Variants in MED13L observed in about 807,000 individuals in gnomAD.
The protein encoded by MED13L is mediator complex subunit 13L, also known as mediator of RNA polymerase II transcription subunit 13-like.
In MED13L, 7 loss-of-function variants were observed where a neutral mutation model predicts 220.9. The ratio of observed to expected loss-of-function variants is 0.03; its 90% CI spans 0.02 to 0.06. MED13L has a LOEUF of 0.06. Among genes scored for constraint, MED13L ranks in the 10% least tolerant of loss-of-function variants. The pLI, the probability that MED13L is intolerant of heterozygous loss-of-function variation, is 1.00. For missense variants in MED13L, 1,965 were observed against 2,760.5 expected, an observed-to-expected ratio of 0.71 and a Z score of 6.46; for synonymous variants, 1,011 against 1,015.2, an observed-to-expected ratio of 1.00 and a Z score of 0.08.
At chr12:115,994,300 A>T (rs988890622) in intron 16 of MED13L, among the ~76,000 whole-genome samples, 5 of 152,152 alleles carry the variant, frequency 3.3e-5, no homozygotes, top group African/African-American at 1.2e-4. Context: ...TTTCATAAAA[A>T]TTAGCTGGGT....
chr12:116,276,548 C>T, intron 1 of MED13L: 1 of 1,251,856 alleles, frequency 8.0e-7, no homozygotes, highest in Non-Finnish European at 1.0e-6. Context: ...TTTCCTGACA[C>T]AATCGCATTC....
At chr12:116,220,970 GGTTAA>G (rs906941563) in intron 2 of MED13L, among the ~76,000 whole-genome samples, 9 of 152,204 alleles carry the variant, frequency 5.9e-5, no homozygotes, top group African/African-American at 1.2e-4. Flanking sequence ...TGTTCAACTA[GGTTAA>G]GTTAACAATC....
intron 4 of MED13L, among the ~76,000 whole-genome samples, chr12:116,086,308 A>C (rs1384413054): frequency 2.2e-5 from 3 of 134,840 alleles, no homozygotes; most frequent in Non-Finnish European, 4.7e-5. Context: ...TTGAGACAAG[A>C]GTCTCATTCT....
chr12:116,118,101 A>C (rs1438677970), intron 2 of MED13L, among the ~76,000 whole-genome samples: 1 of 152,102 alleles, frequency 6.6e-6, no homozygotes, highest in Non-Finnish European at 1.5e-5. Context: ...CAGCCACTGC[A>C]CGCAGTCAAA....
chr12:116,235,557 T>C (rs1291372257), intron 2 of MED13L, among the ~76,000 whole-genome samples: 2 of 152,164 alleles, frequency 1.3e-5, no homozygotes, highest in Non-Finnish European at 2.9e-5. Flanking sequence ...TTAAATGTAG[T>C]GTTTCTGTAA....
chr12:116,189,270 C>T (rs1470186360), intron 2 of MED13L, among the ~76,000 whole-genome samples: 7 of 152,072 alleles, frequency 4.6e-5, no homozygotes, highest in Non-Finnish European at 7.4e-5. Flanking sequence ...ACTAATGATG[C>T]TGAACATCTT....
intron 2 of MED13L, among the ~76,000 whole-genome samples, chr12:116,185,450 G>T (rs1322184205): frequency 6.6e-6 from 1 of 151,000 alleles, no homozygotes; most frequent in African/African-American, 2.4e-5. Flanking sequence ...AAAGATCTTT[G>T]TAAGACTATA....
In MED13L at chr12:116,022,562, T is replaced by C; in HGVS notation, c.519A>G (p.Gly173=). Residue 173 remains glycine (G), a synonymous_variant, in exon 5 of 31, where the codon GGA becomes GGG. Transcript: ENST00000281928. Reference sequence around the variant, plus strand: ...CCACACTTGTGCATACATTACTTTCTCCATGCAGAAAGAATGTGAAAGCAC... The same window carrying C: ...CCACACTTGTGCATACATTACTTTCCCCATGCAGAAAGAATGTGAAAGCAC... ...LSCAFTFFLH[G]ESNVCTSVEI... The C allele has an allele frequency of 1.2e-6, 2 of 1,613,046 alleles. No homozygotes were observed. The highest frequency in any genetic ancestry group is 8.5e-7 in the Non-Finnish European group (1 of 1,179,596).
intron 2 of MED13L, among the ~76,000 whole-genome samples, chr12:116,233,194 T>C (rs1025211789): frequency 6.6e-6 from 1 of 151,810 alleles, no homozygotes; most frequent in African/African-American, 2.4e-5. Flanking sequence ...AAATGTAGAA[T>C]TTAGTCAAGC....
chr12:116,145,970 A>G (rs892727824), intron 2 of MED13L, among the ~76,000 whole-genome samples: 8 of 152,166 alleles, frequency 5.3e-5, no homozygotes, highest in African/African-American at 1.4e-4. Flanking sequence ...GTGACCCCAA[A>G]AAGTTTTTAA....
chr12:116,159,803 T>A (rs899109811), intron 2 of MED13L, among the ~76,000 whole-genome samples: 3 of 150,566 alleles, frequency 2.0e-5, no homozygotes, highest in African/African-American at 7.5e-5. Context: ...CTTCTCTTGC[T>A]TTTTAAATTA....
intron 2 of MED13L, among the ~76,000 whole-genome samples, chr12:116,166,283 G>A (rs561035209): frequency 6.6e-6 from 1 of 152,290 alleles, no homozygotes; most frequent in East Asian, 1.9e-4. Flanking sequence ...GTTGCCAAAA[G>A]AGATTAACAT....
chr12:116,027,102 A>G (rs1365818694), intron 4 of MED13L, among the ~76,000 whole-genome samples: 2 of 152,172 alleles, frequency 1.3e-5, no homozygotes, highest in African/African-American at 4.8e-5. Context: ...CATGTGGCAT[A>G]ACATTTTTCT....
chr12:116,128,400 T>G (rs1193286643), intron 2 of MED13L, among the ~76,000 whole-genome samples: 1 of 151,796 alleles, frequency 6.6e-6, no homozygotes, highest in East Asian at 1.9e-4. Context: ...CTTGAACCCT[T>G]GATAATCAAC....
chr12:115,963,189 T>C (rs1158299424), intron 30 of MED13L, among the ~76,000 whole-genome samples: 2 of 152,180 alleles, frequency 1.3e-5, no homozygotes, highest in East Asian at 3.8e-4. Flanking sequence ...AAGGCAACTA[T>C]AAATGCCTAT....
chr12:116,266,961 G>A (rs1220000380), intron 1 of MED13L, among the ~76,000 whole-genome samples: 2 of 152,194 alleles, frequency 1.3e-5, no homozygotes, highest in East Asian at 1.9e-4. Context: ...TCAAAACACA[G>A]TAAGGGTTGT....
Position 116,124,123 on chromosome 12 carries a change from CGA to C in MED13L, c.311-12613_311-12612del, listed in dbSNP as rs58366115. Among the ~76,000 whole-genome samples, 1,085 of 133,318 alleles carry C rather than the reference CGA, an allele frequency of 8.1e-3. 11 individuals are homozygous for C. The highest frequency in any genetic ancestry group is 0.016 in the Middle Eastern group (4 of 256). 87.5% of individuals were successfully genotyped at this position (133,318 alleles called of 152,430 possible). A position where few individuals can be genotyped will look rare whatever the true frequency, so the allele number is the denominator to read the frequency against. On this transcript the variant is annotated intron_variant, in intron 2 of 30. Coordinates refer to ENST00000281928, the MANE Select transcript of MED13L (RefSeq NM_015335.5). ...ACATCTGCAGAGAGAGAGAGAAAGA[CGA>C]GAGAGAGAGAGAGAGAGAGAGAGAG...
At chr12:116,034,325 A>G (rs1592970723) in intron 4 of MED13L, among the ~76,000 whole-genome samples, 1 of 152,106 alleles carries the variant, frequency 6.6e-6, no homozygotes, top group East Asian at 1.9e-4. Context: ...ACATTCCCCT[A>G]AAATTTTCTG....
At chr12:116,219,160 T>C (rs954662897) in intron 2 of MED13L, among the ~76,000 whole-genome samples, 1 of 152,238 alleles carries the variant, frequency 6.6e-6, no homozygotes, top group Non-Finnish European at 1.5e-5. Flanking sequence ...AGAGACAAGC[T>C]TTTTAAATTT....
Sources: gnomAD v4.1 joint callset for allele counts (sites outside exome capture counted in the v4.1 genomes callset) on GRCh38, gnomAD v4.1.1 for gene constraint, MANE v1.5 for transcripts, NCBI Gene and HGNC (gene_info 2026-07-23, HGNC 2026-07-21) for gene names.